Variants in DYSF observed in about 807,000 individuals in gnomAD.
DYSF encodes dysferlin, also known as dystrophy-associated fer-1-like 1.
Under a neutral mutation model 274.9 loss-of-function variants are expected in DYSF, and 212 were observed. That is an observed-to-expected ratio of 0.77 (90% CI 0.69 to 0.86). DYSF has a LOEUF of 0.86. Among genes scored for constraint, DYSF ranks in the 40% least tolerant of loss-of-function variants. DYSF has a pLI of 0.00. For missense variants in DYSF, 2,666 were observed against 2,783.2 expected (o/e 0.96, Z 0.95); for synonymous variants, 1,091 against 1,078.7 (o/e 1.01, Z -0.22).
chr2:71,658,223 C>T (rs1558747900), intron 43 of DYSF, among the ~76,000 whole-genome samples: 1 of 152,198 alleles, frequency 6.6e-6, no homozygotes. Flanking sequence ...ACAAGAGTCA[C>T]CTTTGCTCCA....
Position 71,528,419 on chromosome 2 carries a change from A to G in DYSF, c.1380+18A>G. 2 of 1,607,704 alleles carry G rather than the reference A, an allele frequency of 1.2e-6. No individual in the cohort carries two copies. Among genetic ancestry groups the G allele is most frequent in the South Asian group, 2.2e-5 (2 of 90,568 alleles). Reference sequence around the variant, plus strand: ...GGAAAATGGTAAGGAGCAAGGGAGCAGGAGGGTTCTCTCGGGAGGGGACTT... The same window carrying G: ...GGAAAATGGTAAGGAGCAAGGGAGCGGGAGGGTTCTCTCGGGAGGGGACTT... On this transcript the variant is annotated intron_variant, in intron 14 of 55. Coordinates refer to ENST00000410020, the MANE Select transcript of DYSF (RefSeq NM_001130987.2).
chr2:71,643,873 G>T, intron 41 of DYSF, 92 bp from the exon 42 acceptor site: 8 of 949,734 alleles, frequency 8.4e-6, no homozygotes, highest in Admixed American at 2.0e-5. Flanking sequence ...GGTCCAGAGC[G>T]GCCTAGCAGC....
At chr2:71,675,196 C>G (rs544724381) in intron 52 of DYSF, among the ~76,000 whole-genome samples, 1 of 151,910 alleles carries the variant, frequency 6.6e-6, no homozygotes, top group Non-Finnish European at 1.5e-5. Flanking sequence ...TTTCTTTTTG[C>G]GGTGATGGAA....
At position 71,566,149 on chromosome 2, in the gene DYSF, C is replaced by T. The variant is rs986353353; in HGVS notation, c.2566-1802C>T. ...TAAGCCAGTTCCTGGCCTGGTAGGG[C>T]AGAAAGGAAAGGAAGTCAAGGAGTG... On this transcript the variant is annotated intron_variant, in intron 24 of 55. Coordinates refer to ENST00000410020, the MANE Select transcript of DYSF (RefSeq NM_001130987.2). Among the ~76,000 whole-genome samples, 3 of 142,662 alleles carry T rather than the reference C, an allele frequency of 2.1e-5. No homozygotes were observed. The East Asian group carries it at 6.3e-4, about 30-fold the overall frequency. 93.6% of individuals were successfully genotyped at this position (142,662 alleles called of 152,430 possible).
In DYSF at chr2:71,526,592, C is replaced by T. The variant is rs137868636; in HGVS notation, c.1276+246C>T. Among the ~76,000 whole-genome samples the T allele has an allele frequency of 3.5e-3, 538 of 152,336 alleles. 5 individuals are homozygous for T. Among genetic ancestry groups the T allele is most frequent in the African/African-American group, 0.012 (517 of 41,582 alleles). On this transcript the variant is annotated intron_variant, in intron 13 of 55. Coordinates refer to ENST00000410020, the MANE Select transcript of DYSF (RefSeq NM_001130987.2). Reference sequence around the variant, plus strand: ...TGGGCCTGGTCTGGCAATATTTGGCCACTCTGTGGACCCATTTTCTTAGTT... The same window carrying T: ...TGGGCCTGGTCTGGCAATATTTGGCTACTCTGTGGACCCATTTTCTTAGTT...
intron 3 of DYSF, among the ~76,000 whole-genome samples, 183 bp from the exon 4 acceptor site, chr2:71,503,031 C>A (rs961051443): frequency 2.6e-5 from 4 of 152,058 alleles, no homozygotes; most frequent in African/African-American, 9.7e-5. Context: ...AGGGGCCAGG[C>A]CTTCCAGGGA....
At chr2:71,496,753 C>T (rs11126334) in intron 3 of DYSF, among the ~76,000 whole-genome samples, 28,706 of 151,986 alleles carry the variant, frequency 0.19, 4,228 homozygotes, top group East Asian at 0.73. Context: ...AGAGTGCCTC[C>T]AAGGTCAACA....
chr2:71,669,530 C>G (rs1365910607), intron 50 of DYSF, 75 bp from the exon 51 acceptor site: 1 of 1,579,214 alleles, frequency 6.3e-7, no homozygotes, highest in Non-Finnish European at 8.7e-7. Context: ...AACTCCTTGT[C>G]TGCCTAAGTT....
intron 17 of DYSF, among the ~76,000 whole-genome samples, chr2:71,543,718 C>G (rs1317085087): frequency 6.6e-6 from 1 of 152,244 alleles, no homozygotes; most frequent in Non-Finnish European, 1.5e-5. Flanking sequence ...GAAAACCAGT[C>G]AGGCGTGGCG....
chr2:71,560,748 C>T (rs916976553), intron 22 of DYSF, among the ~76,000 whole-genome samples: 9 of 152,126 alleles, frequency 5.9e-5, no homozygotes, highest in African/African-American at 1.9e-4. Context: ...ATAAATCAGC[C>T]GGGAGCCGGG....
Position 71,611,312 on chromosome 2 carries a change from ACAT to A in DYSF, c.4028_4030del (p.Ile1343del). 1 of 1,614,004 alleles carries A rather than the reference ACAT, an allele frequency of 6.2e-7. No individual in the cohort carries two copies. Among genetic ancestry groups the A allele is most frequent in the Non-Finnish European group, 8.5e-7 (1 of 1,179,896 alleles). On this transcript the variant is annotated inframe_deletion, in exon 37 of 56. Coordinates refer to ENST00000410020, the MANE Select transcript of DYSF (RefSeq NM_001130987.2). ...GCCAACATCTACATGGTTCCTCAGAACATCAAGCCAGCGCTCCAGCGTACCGCC... is the reference window on the plus strand; with the variant it reads ...GCCAACATCTACATGGTTCCTCAGAACAAGCCAGCGCTCCAGCGTACCGCC...
intron 9 of DYSF, 109 bp from the exon 10 acceptor site, chr2:71,516,880 G>T: frequency 8.1e-6 from 8 of 984,834 alleles, no homozygotes; most frequent in Non-Finnish European, 1.3e-5. Context: ...CTGGAATTGA[G>T]TAAGTGTGAA....
At chr2:71,657,669 G>A (rs1369665333) in intron 43 of DYSF, among the ~76,000 whole-genome samples, 1 of 152,198 alleles carries the variant, frequency 6.6e-6, no homozygotes, top group African/African-American at 2.4e-5. Context: ...TCAATACCAC[G>A]TGGAAGCTGC....
In DYSF at chr2:71,643,965, G is replaced by A. The variant is rs562261472; in HGVS notation, c.4528G>A (p.Glu1510Lys). 8.6e-5 allele frequency: 138 copies of A among 1,607,932 alleles called. 3 individuals are homozygous for A. The South Asian group carries it at 1.4e-3, about 16-fold the overall frequency. Residue 1510 changes from glutamate (E) to lysine (K), a missense_variant and splice_region_variant, in exon 42 of 56, where the codon GAG becomes AAG. This residue lies in a region of DYSF where 1,460 missense variants were observed against 1,502.1 expected (regional missense o/e 0.97). Coordinates refer to ENST00000410020, the MANE Select transcript of DYSF (RefSeq NM_001130987.2). Reference sequence around the variant, plus strand: ...GGTCTCTTTCTTTCTACCCACTCAGGAGGAAGAGTTCATCGATTGGTGGAG... The same window carrying A: ...GGTCTCTTTCTTTCTACCCACTCAGAAGGAAGAGTTCATCGATTGGTGGAG... ...NTASPPSSPH[E>K]EEFIDWWSKF...
At chr2:71,506,716 C>T (rs928237246) in intron 4 of DYSF, among the ~76,000 whole-genome samples, 1 of 152,116 alleles carries the variant, frequency 6.6e-6, no homozygotes, top group South Asian at 2.1e-4. Context: ...CTGGGTGGGG[C>T]CCACTGACAC....
intron 7 of DYSF, among the ~76,000 whole-genome samples, 183 bp downstream of exon 7, chr2:71,514,104 C>A (rs190044458): frequency 4.5e-4 from 62 of 139,154 alleles, no homozygotes; most frequent in African/African-American, 1.6e-3. Flanking sequence ...TCACATCTTA[C>A]ATCCACAGAA....
intron 38 of DYSF, 41 bp from the exon 39 acceptor site, chr2:71,612,600 G>C: frequency 6.2e-7 from 1 of 1,609,514 alleles, no homozygotes; most frequent in Non-Finnish European, 8.5e-7. Flanking sequence ...AGACTTCCCA[G>C]AGGGGGATTC....
At chr2:71,617,906 GTAGAGGT>G in intron 40 of DYSF, among the ~76,000 whole-genome samples, 2 of 128,780 alleles carry the variant, frequency 1.6e-5, no homozygotes, top group East Asian at 2.6e-4. Flanking sequence ...TGTGTTTGTG[GTAGAGGT>G]GTGTGTGTGT....
chr2:71,589,346 G>A (rs182365125), intron 30 of DYSF, among the ~76,000 whole-genome samples: 125 of 152,298 alleles, frequency 8.2e-4, no homozygotes, highest in African/African-American at 2.9e-3. Context: ...TAAAAATTCC[G>A]TTCTGACTCA....
Sources: gnomAD v4.1 joint callset for allele counts (sites outside exome capture counted in the v4.1 genomes callset) on GRCh38, gnomAD v4.1.1 for gene constraint, gnomAD v4.1.1 regional missense constraint, MANE v1.5 for transcripts, NCBI Gene and HGNC (gene_info 2026-07-23, HGNC 2026-07-21) for gene names.